The following NCKAP5 variants were observed in gnomAD, a reference collection of about 807,000 sequenced individuals.
NCKAP5 encodes the protein nck-associated protein 5.
Under a neutral mutation model 167.0 loss-of-function variants are expected in NCKAP5, and 92 were observed. The observed-to-expected ratio is 0.55, with a 90% CI of 0.47 to 0.66. NCKAP5 has a LOEUF of 0.66. Among genes scored for constraint, NCKAP5 ranks in the 30% least tolerant of loss-of-function variants. The pLI is 0.00. For missense variants in NCKAP5, 2,378 were observed against 2,315.0 expected, an observed-to-expected ratio of 1.03 and a Z score of -0.56; for synonymous variants, 891 against 877.4, an observed-to-expected ratio of 1.02 and a Z score of -0.27.
chr2:132,797,298 G>C (rs1045537068), intron 11 of NCKAP5, among the ~76,000 whole-genome samples: 1 of 152,124 alleles, frequency 6.6e-6, no homozygotes, highest in East Asian at 1.9e-4. Flanking sequence ...TGAGGATTTT[G>C]TACATTAATA....
the NCKAP5 span, among the ~76,000 whole-genome samples, chr2:133,612,731 G>T: frequency 3.9e-5 from 6 of 152,192 alleles, no homozygotes; most frequent in Non-Finnish European, 7.3e-5. Context: ...TTCTACACTT[G>T]CTACATTATA....
At chr2:132,792,721 C>T (rs1386004631) in intron 12 of NCKAP5, among the ~76,000 whole-genome samples, 1 of 152,220 alleles carries the variant, frequency 6.6e-6, no homozygotes, top group Non-Finnish European at 1.5e-5. Context: ...TTACAGTTTA[C>T]ATTCTACCTT....
At chr2:133,238,333 G>A (rs901905015) in intron 4 of NCKAP5, among the ~76,000 whole-genome samples, 1 of 152,174 alleles carries the variant, frequency 6.6e-6, no homozygotes, top group Non-Finnish European at 1.5e-5. Context: ...CATGGGTCAT[G>A]GCGAAGGCAG....
At chr2:132,953,179 A>C (rs772733182) in intron 8 of NCKAP5, among the ~76,000 whole-genome samples, 1 of 152,198 alleles carries the variant, frequency 6.6e-6, no homozygotes, top group Non-Finnish European at 1.5e-5. Context: ...ACTTGGCCTC[A>C]TCTCTGGCCA....
At chr2:133,190,393 A>G (rs2085159170) in intron 5 of NCKAP5, among the ~76,000 whole-genome samples, 3 of 152,190 alleles carry the variant, frequency 2.0e-5, no homozygotes, top group African/African-American at 7.2e-5. Flanking sequence ...CAAGCTACCA[A>G]TAACTTTCTT....
chr2:133,252,575 C>G (rs532159754), intron 4 of NCKAP5, among the ~76,000 whole-genome samples: 1 of 152,276 alleles, frequency 6.6e-6, no homozygotes, highest in South Asian at 2.1e-4. Flanking sequence ...GAAGCAGTCC[C>G]TTTTAAACTC....
intron 5 of NCKAP5, among the ~76,000 whole-genome samples, chr2:133,180,321 T>A (rs899687896): frequency 7.5e-6 from 1 of 132,894 alleles, no homozygotes; most frequent in Non-Finnish European, 1.7e-5. Flanking sequence ...ATTAAAGACG[T>A]TTTTTTTTCC....
Position 132,673,126 on chromosome 2 carries a change from C to A in NCKAP5, c.*163G>T, listed in dbSNP as rs1286477733. ...CTACCCCAGGCCTATCTGAACTACT[C>A]AAAGATGTCTCTTCATTTTTTTCTT... On this transcript the variant is annotated 3_prime_UTR_variant, in exon 20 of 20. Transcript: ENST00000409261. 6.7e-6 allele frequency: 9 copies of A among 1,352,070 alleles called. No individual in the cohort carries two copies. Among genetic ancestry groups the A allele is most frequent in the Non-Finnish European group, 8.5e-6 (9 of 1,056,880 alleles). 83.8% of individuals were successfully genotyped at this position (1,352,070 alleles called of 1,614,324 possible). A position where few individuals can be genotyped will look rare whatever the true frequency, so the allele number is the denominator to read the frequency against.
Position 133,416,577 on chromosome 2 carries a change from C to T in NCKAP5, c.69+100881G>A, listed in dbSNP as rs184329613. ...TAGTTCTGAAAGATTAGGGTTTACACTCTACTGTTAAACTAGACTTTCAGA... is the reference window on the plus strand; with the variant it reads ...TAGTTCTGAAAGATTAGGGTTTACATTCTACTGTTAAACTAGACTTTCAGA... On this transcript the variant is annotated intron_variant, in intron 3 of 19. Transcript: ENST00000409261. Among the ~76,000 whole-genome samples, 555 of 152,060 alleles carry T rather than the reference C, an allele frequency of 3.6e-3. 2 individuals are homozygous for T. Among genetic ancestry groups the T allele is most frequent in the Non-Finnish European group, 6.0e-3 (410 of 68,016 alleles).
chr2:133,607,088 T>C, the NCKAP5 span, among the ~76,000 whole-genome samples: 1 of 152,214 alleles, frequency 6.6e-6, no homozygotes, highest in African/African-American at 2.4e-5. Context: ...TACCAAAATC[T>C]ACAATCTTTC....
At chr2:132,876,464 A>T (rs2148800280) in intron 9 of NCKAP5, among the ~76,000 whole-genome samples, 1 of 152,272 alleles carries the variant, frequency 6.6e-6, no homozygotes, top group Non-Finnish European at 1.5e-5. Flanking sequence ...GCAAGGAAAA[A>T]ACTTACATAA....
At chr2:133,333,069 C>T (rs1682972866) in intron 3 of NCKAP5, among the ~76,000 whole-genome samples, 1 of 152,212 alleles carries the variant, frequency 6.6e-6, no homozygotes, top group South Asian at 2.1e-4. Context: ...AAAACGTGCC[C>T]TTGTTTGCTC....
At chr2:133,163,250 A>C (rs1460283252) in intron 5 of NCKAP5, among the ~76,000 whole-genome samples, 1 of 152,206 alleles carries the variant, frequency 6.6e-6, no homozygotes, top group Non-Finnish European at 1.5e-5. Context: ...CGAAGGCCCC[A>C]TACACACTGG....
At chr2:133,267,652 TA>T (rs1013748286) in intron 4 of NCKAP5, among the ~76,000 whole-genome samples, 2 of 151,524 alleles carry the variant, frequency 1.3e-5, no homozygotes, top group African/African-American at 2.5e-5. Context: ...AAGATTCGCA[TA>T]TTTTTTTTTC....
At position 132,784,068 on chromosome 2, in the gene NCKAP5, G is replaced by T. The variant is rs1387854757; in HGVS notation, c.2743C>A (p.His915Asn). 4.6e-6 allele frequency: 7 copies of T among 1,525,480 alleles called. No homozygotes were observed. The highest frequency in any genetic ancestry group is 6.1e-6 in the Non-Finnish European group (7 of 1,139,110). The allele number at this position is 1,525,480 out of a possible 1,614,324, so 94.5% of individuals were successfully genotyped here. A position where few individuals can be genotyped will look rare whatever the true frequency, so the allele number is the denominator to read the frequency against. Residue 915 changes from histidine (H) to asparagine (N), a missense_variant, in exon 14 of 20, where the codon CAC becomes AAC. Transcript: ENST00000409261. ...DSGEPPTRDE[H>N]CGSGPEAGVK... ...CCTGCCTCCGGCCCAGAGCCACAGT[G>T]TTCATCCCTCGTGGGGGGCTCTCCA...
intron 4 of NCKAP5, among the ~76,000 whole-genome samples, chr2:133,261,338 C>T (rs2088896366): frequency 6.6e-6 from 1 of 152,120 alleles, no homozygotes; most frequent in Non-Finnish European, 1.5e-5. Context: ...CTTTGCAACC[C>T]ACAGTGTTTT....
intron 2 of NCKAP5, among the ~76,000 whole-genome samples, chr2:133,537,980 C>G (rs1438354224): frequency 6.6e-6 from 1 of 152,148 alleles, no homozygotes; most frequent in Non-Finnish European, 1.5e-5. Flanking sequence ...CTCCTATAAC[C>G]TCAGAAAAAC....
chr2:133,024,376 T>C (rs572944765), intron 6 of NCKAP5, among the ~76,000 whole-genome samples: 1 of 152,314 alleles, frequency 6.6e-6, no homozygotes, highest in Admixed American at 6.5e-5. Context: ...AAGAAAAGTT[T>C]TACTCATATC....
chr2:132,700,801 T>C (rs189169535), intron 19 of NCKAP5, among the ~76,000 whole-genome samples: 1 of 152,198 alleles, frequency 6.6e-6, no homozygotes. Flanking sequence ...TAATGATCTG[T>C]TTAGATTCAT....
Sources: gnomAD v4.1 joint callset for allele counts (sites outside exome capture counted in the v4.1 genomes callset) on GRCh38, gnomAD v4.1.1 for gene constraint, MANE v1.5 for transcripts, NCBI Gene and HGNC (gene_info 2026-07-23, HGNC 2026-07-21) for gene names.